CCDC28A: variants seen among roughly 807,000 people sequenced by gnomAD.
The protein encoded by CCDC28A is coiled-coil domain containing 28A, also known as coiled-coil domain-containing protein 28A.
In CCDC28A, 24 loss-of-function variants were observed where a neutral mutation model predicts 22.1. The observed-to-expected ratio is 1.09, with a 90% CI of 0.79 to 1.53. CCDC28A has a LOEUF of 1.53. Ranked by LOEUF, CCDC28A falls within the 40% of genes most tolerant of loss-of-function variation. The pLI, the probability that CCDC28A is intolerant of heterozygous loss-of-function variation, is 0.00. For missense variants in CCDC28A, 170 were observed against 210.7 expected, an observed-to-expected ratio of 0.81 and a Z score of 1.20; for synonymous variants, 83 against 74.7, an observed-to-expected ratio of 1.11 and a Z score of -0.57.
In CCDC28A at chr6:138,776,188, A is replaced by G. The variant is rs770565680; in HGVS notation, c.68A>G (p.Asn23Ser). 1 of 1,614,148 alleles carries G rather than the reference A, an allele frequency of 6.2e-7. No individual in the cohort carries two copies. The highest frequency in any genetic ancestry group is 8.5e-7 in the Non-Finnish European group (1 of 1,179,978). Residue 23 changes from asparagine (N) to serine (S), a missense_variant, in exon 2 of 6, where the codon AAT (asparagine) becomes AGT (serine). By Grantham distance (46) the Asn-to-Ser change is conservative. Transcript: ENST00000617445. ...SFSAHCTQVV[N>S]AKKNAIPVSK... Reference sequence around the variant, plus strand: ...AGTGCCCACTGTACTCAGGTTGTCAATGCCAAAAAAAATGCCATTCCAGTG... The same window carrying G: ...AGTGCCCACTGTACTCAGGTTGTCAGTGCCAAAAAAAATGCCATTCCAGTG...
At chr6:138,774,842 G>A (rs1346154040) in intron 1 of CCDC28A, among the ~76,000 whole-genome samples, 1 of 152,232 alleles carries the variant, frequency 6.6e-6, no homozygotes, top group East Asian at 1.9e-4. Flanking sequence ...ACCTGATGAG[G>A]TAGAGATAGC....
intron 3 of CCDC28A, among the ~76,000 whole-genome samples, chr6:138,780,503 TAGTC>T (rs1042430751): frequency 1.3e-5 from 2 of 152,082 alleles, no homozygotes; most frequent in Non-Finnish European, 1.5e-5. Flanking sequence ...TCACAAAAGA[TAGTC>T]AGATTTTTCA....
intron 4 of CCDC28A, among the ~76,000 whole-genome samples, chr6:138,788,117 C>A (rs764677499): frequency 6.6e-6 from 1 of 151,244 alleles, no homozygotes; most frequent in African/African-American, 2.4e-5. Context: ...TGCGTCACCA[C>A]GCCTGTCTAA....
intron 5 of CCDC28A, among the ~76,000 whole-genome samples, chr6:138,791,680 ACCT>A (rs1775172672): frequency 6.6e-6 from 1 of 152,048 alleles, no homozygotes. Context: ...AGTTACTCTC[ACCT>A]CCTTGTTCTC....
chr6:138,786,015 G>C (rs1449428411), intron 4 of CCDC28A, among the ~76,000 whole-genome samples: 1 of 152,186 alleles, frequency 6.6e-6, no homozygotes, highest in Non-Finnish European at 1.5e-5. Context: ...CCAAAACAAA[G>C]TACCACAGAC....
intron 5 of CCDC28A, among the ~76,000 whole-genome samples, chr6:138,788,743 C>T (rs148500608): frequency 6.6e-6 from 1 of 151,580 alleles, no homozygotes; most frequent in African/African-American, 2.4e-5. Flanking sequence ...TTCCCTGCCC[C>T]CTTTGGGTTC....
chr6:138,783,206 T>C (rs1030262032), intron 3 of CCDC28A, among the ~76,000 whole-genome samples: 1 of 152,102 alleles, frequency 6.6e-6, no homozygotes, highest in Non-Finnish European at 1.5e-5. Context: ...TTATTTATAT[T>C]TCTTAAAGGA....
intron 1 of CCDC28A, among the ~76,000 whole-genome samples, chr6:138,774,614 G>T (rs536424383): frequency 2.0e-5 from 3 of 152,344 alleles, no homozygotes; most frequent in Non-Finnish European, 2.9e-5. Flanking sequence ...AGCTCCAGTT[G>T]TAATTGTCTA....
chr6:138,777,253 A>T (rs1411809049), intron 2 of CCDC28A, among the ~76,000 whole-genome samples: 1 of 152,232 alleles, frequency 6.6e-6, no homozygotes, highest in African/African-American at 2.4e-5. Flanking sequence ...TACTGCCTTG[A>T]TGATGATCTC....
rs754039548 is a variant in CCDC28A at position 138,776,119 on chromosome 6, C to T, written c.-2C>T. ...CCGTGGTGCAATAAGGAACTTAAAA[C>T]AATGGAAGAGCGGAAAGTGAAGAGG... On this transcript the variant is annotated 5_prime_UTR_variant, in exon 2 of 6. Coordinates refer to ENST00000617445, the MANE Select transcript of CCDC28A (RefSeq NM_015439.3). 1.9e-6 allele frequency: 3 copies of T among 1,614,080 alleles called. No homozygotes were observed. Among genetic ancestry groups the T allele is most frequent in the Non-Finnish European group, 2.5e-6 (3 of 1,180,002 alleles).
rs376950166 is a variant in CCDC28A at position 138,779,811 on chromosome 6, C to G, written c.159-11C>G. 6 of 1,589,968 alleles carry G rather than the reference C, an allele frequency of 3.8e-6. No individual in the cohort carries two copies. Among genetic ancestry groups the G allele is most frequent in the Non-Finnish European group, 5.1e-6 (6 of 1,170,944 alleles). On this transcript the variant is annotated splice_polypyrimidine_tract_variant and intron_variant, in intron 2 of 5. Transcript: ENST00000617445. ...ATAGCCTAAAAAGCCTAAATTTCAT[C>G]GTCTTTACAGAGTGATGAAAGAAAA...
chr6:138,775,501 A>T (rs1774917204), intron 1 of CCDC28A, among the ~76,000 whole-genome samples: 1 of 152,246 alleles, frequency 6.6e-6, no homozygotes, highest in Non-Finnish European at 1.5e-5. Flanking sequence ...ACCAAGCTAG[A>T]ATCATTATTA....
At position 138,773,890 on chromosome 6, in the gene CCDC28A, C is replaced by G; in HGVS notation, c.-55C>G. On this transcript the variant is annotated 5_prime_UTR_variant, in exon 1 of 6. Coordinates refer to ENST00000617445, the MANE Select transcript of CCDC28A (RefSeq NM_015439.3). Reference sequence around the variant, plus strand: ...GGGTTGCGGAAGGGGGCCCCAATACCCTTCTTCTTCAGGTATGTAGTGGAA... The same window carrying G: ...GGGTTGCGGAAGGGGGCCCCAATACGCTTCTTCTTCAGGTATGTAGTGGAA... The G allele has an allele frequency of 1.2e-6, 2 of 1,613,310 alleles. No individual in the cohort carries two copies. The highest frequency in any genetic ancestry group is 8.5e-7 in the Non-Finnish European group (1 of 1,180,010).
chr6:138,779,194 T>C (rs559324679), intron 2 of CCDC28A, among the ~76,000 whole-genome samples: 12 of 152,166 alleles, frequency 7.9e-5, no homozygotes, highest in Non-Finnish European at 1.8e-4. Flanking sequence ...GTTGGGAAGC[T>C]ATTTGGTTAA....
In CCDC28A at chr6:138,792,989, G is replaced by A. The variant is rs1775196381; in HGVS notation, c.*186G>A. On this transcript the variant is annotated 3_prime_UTR_variant, in exon 6 of 6. Transcript: ENST00000617445. ...TCGCTGTAATTCACCATAACTGGAG[G>A]CCTAGGCCTTGTTGAAGGCTTCATC... The A allele has an allele frequency of 3.5e-6, 2 of 567,692 alleles. No individual in the cohort carries two copies. The highest frequency in any genetic ancestry group is 4.8e-4 in the Middle Eastern group (1 of 2,078). 35.2% of individuals were successfully genotyped at this position (567,692 alleles called of 1,614,324 possible). A position where few individuals can be genotyped will look rare whatever the true frequency, so the allele number is the denominator to read the frequency against.
intron 5 of CCDC28A, among the ~76,000 whole-genome samples, chr6:138,791,514 A>C (rs955513317): frequency 5.3e-5 from 8 of 152,140 alleles, no homozygotes; most frequent in African/African-American, 1.9e-4. Flanking sequence ...CAACTATTTT[A>C]AAGGTTCTTA....
intron 1 of CCDC28A, among the ~76,000 whole-genome samples, chr6:138,775,218 C>A (rs1774911590): frequency 6.6e-6 from 1 of 152,158 alleles, no homozygotes; most frequent in Non-Finnish European, 1.5e-5. Flanking sequence ...GGATTACAGG[C>A]GTGAGCCCGG....
At chr6:138,786,254 C>T (rs1488243133) in intron 4 of CCDC28A, among the ~76,000 whole-genome samples, 1 of 152,126 alleles carries the variant, frequency 6.6e-6, no homozygotes, top group African/African-American at 2.4e-5. Flanking sequence ...TCTTTAAAAC[C>T]CCTGTCTTCA....
intron 3 of CCDC28A, among the ~76,000 whole-genome samples, chr6:138,781,745 C>G (rs1775025217): frequency 6.6e-6 from 1 of 152,146 alleles, no homozygotes; most frequent in Admixed American, 6.5e-5. Flanking sequence ...GTTGTTGTCA[C>G]TTGTAAAGAG....
Sources: gnomAD v4.1 joint callset for allele counts (sites outside exome capture counted in the v4.1 genomes callset) on GRCh38, gnomAD v4.1.1 for gene constraint, MANE v1.5 for transcripts, NCBI Gene and HGNC (gene_info 2026-07-23, HGNC 2026-07-21) for gene names.